The following GUCY2F variants were observed in gnomAD, a reference collection of about 807,000 sequenced individuals.
The protein encoded by GUCY2F is guanylate cyclase 2F, retinal.
Under a neutral mutation model 73.1 loss-of-function variants are expected in GUCY2F, and 61 were observed. That is an observed-to-expected ratio of 0.83 (90% CI 0.68 to 1.03). GUCY2F has a LOEUF of 1.03. Ranked by LOEUF, GUCY2F falls within the 50% of genes least tolerant of loss-of-function variation. GUCY2F has a pLI of 0.00. For synonymous variants in GUCY2F, 331 were observed against 307.8 expected (o/e 1.08, Z -0.79); for missense variants, 912 against 854.3 (o/e 1.07, Z -0.84).
chrX:109,421,773 G>A (rs1194490688), intron 8 of GUCY2F, among the ~76,000 whole-genome samples: 1 of 111,151 alleles, frequency 9.0e-6, no homozygotes, highest in Non-Finnish European at 1.9e-5. Flanking sequence ...AATGAAAAAT[G>A]TTTATAGTTG....
chrX:109,439,009 T>C (rs1931814189), intron 7 of GUCY2F, among the ~76,000 whole-genome samples: 1 of 112,455 alleles, frequency 8.9e-6, no homozygotes, highest in Non-Finnish European at 1.9e-5. Context: ...TCCTTTGAAA[T>C]CTAGATGGAT....
chrX:109,410,694 A>C (rs1931088064), intron 8 of GUCY2F, among the ~76,000 whole-genome samples: 1 of 112,330 alleles, frequency 8.9e-6, no homozygotes, highest in Non-Finnish European at 1.9e-5. Context: ...GTTCTGAAAA[A>C]TGGGGGCATG....
At position 109,453,868 on chromosome X, in the gene GUCY2F, A is replaced by T. The variant is rs767839321; in HGVS notation, c.1033-9T>A. The T allele has an allele frequency of 1.1e-5, 11 of 1,031,941 alleles. No homozygotes were observed. The South Asian group carries it at 1.3e-4, about 12-fold the overall frequency. The allele number at this position is 1,031,941 out of a possible 1,213,427, so 85.0% of individuals were successfully genotyped here. ...CCAAACAACGGTGAAACCTATTTTT[A>T]AAAATTACAATTATCTTGAGCCCTG... On this transcript the variant is annotated splice_polypyrimidine_tract_variant and intron_variant, in intron 3 of 19. Transcript: ENST00000218006.
At chrX:109,414,254 G>A (rs182546795) in intron 8 of GUCY2F, among the ~76,000 whole-genome samples, 77 of 111,885 alleles carry the variant, frequency 6.9e-4, no homozygotes, top group African/African-American at 2.2e-3. Flanking sequence ...TTACAGGCAC[G>A]AGACACTGTG....
intron 19 of GUCY2F, among the ~76,000 whole-genome samples, chrX:109,373,396 C>T (rs1930100998): frequency 9.0e-6 from 1 of 111,464 alleles, no homozygotes; most frequent in Non-Finnish European, 1.9e-5. Flanking sequence ...CCACATGGAG[C>T]AGAGTTATAT....
chrX:109,406,830 T>C (rs762199704), intron 9 of GUCY2F, among the ~76,000 whole-genome samples: 80 of 112,013 alleles, frequency 7.1e-4, no homozygotes, highest in Non-Finnish European at 1.4e-3. Flanking sequence ...CCCGCTACCA[T>C]GTAAGAAGTG....
At chrX:109,443,204 C>T (rs1425522859) in intron 6 of GUCY2F, among the ~76,000 whole-genome samples, 1 of 111,112 alleles carries the variant, frequency 9.0e-6, no homozygotes, top group East Asian at 2.8e-4. Context: ...AAGCCAAATG[C>T]CAAAAGGGAT....
rs987139783 is a variant in GUCY2F, at chrX:109,451,956, G to T, written c.1472+67C>A. 5 of 607,793 alleles carry T rather than the reference G, an allele frequency of 8.2e-6. No individual in the cohort carries two copies. The Admixed American group carries it at 1.2e-4, about 15-fold the overall frequency. 50.1% of individuals were successfully genotyped at this position (607,793 alleles called of 1,213,427 possible). A position where few individuals can be genotyped will look rare whatever the true frequency, so the allele number is the denominator to read the frequency against. On this transcript the variant is annotated intron_variant, in intron 5 of 19. Coordinates refer to ENST00000218006, the MANE Select transcript of GUCY2F (RefSeq NM_001522.3). ...AATTGTACCGAAACAGGACTTCCTG[G>T]AAATCAGTATTAACAAGGCTAATAT...
At chrX:109,373,167 G>A (rs1236615852) in intron 19 of GUCY2F, among the ~76,000 whole-genome samples, 168 bp from the exon 20 acceptor site, 1 of 112,530 alleles carries the variant, frequency 8.9e-6, no homozygotes, top group African/African-American at 3.2e-5. Context: ...TATTACATGT[G>A]TCAGGTTTGC....
chrX:109,463,185 A>G (rs1932397014), intron 3 of GUCY2F, among the ~76,000 whole-genome samples: 1 of 111,874 alleles, frequency 8.9e-6, no homozygotes, highest in Admixed American at 9.5e-5. Flanking sequence ...GAAATAAAGG[A>G]CAGATAAAAA....
intron 3 of GUCY2F, among the ~76,000 whole-genome samples, chrX:109,459,142 A>G (rs752747810): frequency 1.3e-4 from 14 of 111,498 alleles, no homozygotes; most frequent in Non-Finnish European, 2.1e-4. Context: ...ACTCTCAAAC[A>G]AAGAGAACAA....
intron 8 of GUCY2F, among the ~76,000 whole-genome samples, chrX:109,417,764 A>C (rs758825774): frequency 1.8e-5 from 2 of 111,508 alleles, no homozygotes; most frequent in Non-Finnish European, 3.8e-5. Flanking sequence ...ACATTAATCC[A>C]AAGACACAAA....
chrX:109,418,031 G>A (rs147097861), intron 8 of GUCY2F, among the ~76,000 whole-genome samples: 100 of 111,365 alleles, frequency 9.0e-4, no homozygotes, highest in African/African-American at 3.1e-3. Context: ...TCTGTGTTCA[G>A]TGACATCACA....
At chrX:109,407,893 A>T in intron 9 of GUCY2F, among the ~76,000 whole-genome samples, 1 of 113,109 alleles carries the variant, frequency 8.8e-6, no homozygotes, top group Middle Eastern at 4.6e-3. Context: ...TTGCTGCAGG[A>T]GCAGGACCCT....
intron 17 of GUCY2F, among the ~76,000 whole-genome samples, chrX:109,381,289 A>G (rs1309030833): frequency 8.9e-6 from 1 of 111,985 alleles, no homozygotes; most frequent in Non-Finnish European, 1.9e-5. Context: ...TTTATGCAGC[A>G]TGGTGTCATG....
At chrX:109,411,772 G>A (rs1214083116) in intron 8 of GUCY2F, among the ~76,000 whole-genome samples, 1 of 112,046 alleles carries the variant, frequency 8.9e-6, no homozygotes, top group East Asian at 2.8e-4. Flanking sequence ...TGTGGGAATT[G>A]TAAGCAATTA....
chrX:109,441,593 C>T (rs61024730), intron 6 of GUCY2F, 111 bp from the exon 7 acceptor site: 6,401 of 473,954 alleles, frequency 0.014, 200 homozygotes, highest in African/African-American at 0.11. Flanking sequence ...TGAGTTGAAC[C>T]CTGTAAACAT....
At chrX:109,440,581 C>T (rs1301849455) in intron 7 of GUCY2F, among the ~76,000 whole-genome samples, 2 of 112,132 alleles carry the variant, frequency 1.8e-5, no homozygotes, top group Non-Finnish European at 3.8e-5. Flanking sequence ...GTGTTTGCTG[C>T]TCTTGGGAGT....
rs1311638523 is a variant in GUCY2F at position 109,431,715 on chromosome X, AG to A, written c.1702-1320del. Reference sequence around the variant, plus strand: ...CTCTGTCTGGAAAAAAAAAAAAAAAAGAGTGTAACCACTCTCTTATTAAGGA... The same window carrying A: ...CTCTGTCTGGAAAAAAAAAAAAAAAAAGTGTAACCACTCTCTTATTAAGGA... On this transcript the variant is annotated intron_variant, in intron 7 of 19. Coordinates refer to ENST00000218006, the MANE Select transcript of GUCY2F (RefSeq NM_001522.3). Among the ~76,000 whole-genome samples the A allele has an allele frequency of 3.7e-5, 4 of 107,248 alleles. No individual in the cohort carries two copies. The Admixed American group carries it at 4.0e-4, about 11-fold the overall frequency. The allele number at this position is 107,248 out of a possible 115,157, so 93.1% of individuals were successfully genotyped here. A position where few individuals can be genotyped will look rare whatever the true frequency, so the allele number is the denominator to read the frequency against.
Sources: gnomAD v4.1 joint callset for allele counts (sites outside exome capture counted in the v4.1 genomes callset) on GRCh38, gnomAD v4.1.1 for gene constraint, MANE v1.5 for transcripts, NCBI Gene and HGNC (gene_info 2026-07-23, HGNC 2026-07-21) for gene names.